PCDHGB7: variants seen among roughly 807,000 people sequenced by gnomAD.
PCDHGB7 encodes the protein protocadherin gamma subfamily B, 7, also known as protocadherin gamma-B7.
PCDHGB7 carries 37 observed loss-of-function variants against 61.4 expected under a neutral mutation model. The observed-to-expected ratio is 0.60, with a 90% confidence interval of 0.46 to 0.79. PCDHGB7 has a LOEUF of 0.79. Ranked by LOEUF, PCDHGB7 falls within the 30% of genes least tolerant of loss-of-function variation. The pLI is 0.00. For missense variants in PCDHGB7, 1,166 were observed against 1,202.5 expected (o/e 0.97, Z 0.45); for synonymous variants, 464 against 503.5 (o/e 0.92, Z 1.05).
At chr5:141,481,240 T>G (rs1323124277) in intron 1 of PCDHGB7, among the ~76,000 whole-genome samples, 1 of 152,208 alleles carries the variant, frequency 6.6e-6, no homozygotes, top group Non-Finnish European at 1.5e-5. Flanking sequence ...AAGTATTACA[T>G]AGCATAGCTC....
intron 1 of PCDHGB7, among the ~76,000 whole-genome samples, chr5:141,461,739 C>T (rs1048636018): frequency 3.9e-5 from 6 of 152,134 alleles, no homozygotes; most frequent in Non-Finnish European, 7.4e-5. Context: ...GGCACAATCC[C>T]GGCTCCCAGA....
chr5:141,423,816 T>C lies in PCDHGB7; in HGVS notation c.2415+3542T>C, dbSNP rs1205974775. ...TTAGAGCAATACATGTGAGTTTTACTTTGCCTTTCATGAGATTACGATAAT... is the reference window on the plus strand; with the variant it reads ...TTAGAGCAATACATGTGAGTTTTACCTTGCCTTTCATGAGATTACGATAAT... On this transcript the variant is annotated intron_variant, in intron 1 of 3. Transcript: ENST00000398594. 3 of 1,273,904 alleles carry C rather than the reference T, an allele frequency of 2.4e-6. No individual in the cohort carries two copies. The African/African-American group carries it at 4.7e-5, about 20-fold the overall frequency. 78.9% of individuals were successfully genotyped at this position (1,273,904 alleles called of 1,614,324 possible).
Position 141,476,819 on chromosome 5 carries a change from C to T in PCDHGB7, c.2416-17988C>T. ...CAGCCTGCCTATTCACATCAAGGTGCTGGACGCGAATGACAATGCGCCTGT... is the reference window on the plus strand; with the variant it reads ...CAGCCTGCCTATTCACATCAAGGTGTTGGACGCGAATGACAATGCGCCTGT... On this transcript the variant is annotated intron_variant, in intron 1 of 3. Coordinates refer to ENST00000398594, the MANE Select transcript of PCDHGB7 (RefSeq NM_018927.4). The surrounding 1 kb of genome is among the most constrained non-coding windows in gnomAD (Gnocchi z 7.6). 6.2e-7 allele frequency: 1 copy of T among 1,613,524 alleles called. No homozygotes were observed. The highest frequency in any genetic ancestry group is 8.5e-7 in the Non-Finnish European group (1 of 1,180,036).
At chr5:141,421,303 G>A (rs1456288695) in intron 1 of PCDHGB7, 1 of 1,613,660 alleles carries the variant, frequency 6.2e-7, no homozygotes, top group Non-Finnish European at 8.5e-7. Flanking sequence ...GACGCTGCGG[G>A]GGTTCCGGGC....
At chr5:141,482,074 A>G (rs1349748840) in intron 1 of PCDHGB7, among the ~76,000 whole-genome samples, 2 of 142,830 alleles carry the variant, frequency 1.4e-5, no homozygotes, top group Non-Finnish European at 3.0e-5. Context: ...AACAAGAACA[A>G]AACTCACTCC....
intron 1 of PCDHGB7, among the ~76,000 whole-genome samples, chr5:141,462,745 TATG>T (rs1249238113): frequency 6.6e-6 from 1 of 152,262 alleles, no homozygotes; most frequent in Non-Finnish European, 1.5e-5. Flanking sequence ...CTGTAATTCC[TATG>T]ATGATTTTCT....
intron 1 of PCDHGB7, among the ~76,000 whole-genome samples, chr5:141,446,323 A>G (rs1372501599): frequency 6.6e-6 from 1 of 152,216 alleles, no homozygotes. Flanking sequence ...GGGTTTCCAC[A>G]TTAAGGAACT....
rs13436338 is a variant in PCDHGB7, at chr5:141,468,261, G to A, written c.2416-26546G>A. On this transcript the variant is annotated intron_variant, in intron 1 of 3. Coordinates refer to ENST00000398594, the MANE Select transcript of PCDHGB7 (RefSeq NM_018927.4). ...AATTGCCTGAACCTGGGAGGCAGAG[G>A]TTGTGGTGAGCCGAGACCACGCCAT... Among the ~76,000 whole-genome samples, 391 of 149,216 alleles carry A rather than the reference G, an allele frequency of 2.6e-3. 2 individuals are homozygous for A. Among genetic ancestry groups the A allele is most frequent in the African/African-American group, 9.3e-3 (377 of 40,498 alleles).
At position 141,511,241 on chromosome 5, in the gene PCDHGB7, C is replaced by T; in HGVS notation, c.*68C>T. On this transcript the variant is annotated 3_prime_UTR_variant, in exon 4 of 4. Transcript: ENST00000398594. ...CCAGCCCAGCTTCTCCTTACCTGCA[C>T]CCAGGCCTCAGAGTTTCAGGGCTAA... The T allele has an allele frequency of 2.5e-6, 4 of 1,585,214 alleles. No individual in the cohort carries two copies. Among genetic ancestry groups the T allele is most frequent in the Non-Finnish European group, 3.4e-6 (4 of 1,165,762 alleles).
intron 1 of PCDHGB7, chr5:141,421,256 G>A (rs1205670837): frequency 1.2e-6 from 2 of 1,607,696 alleles, no homozygotes; most frequent in African/African-American, 1.3e-5. Flanking sequence ...CGCGGGGACC[G>A]CAGTCGGCTG....
intron 1 of PCDHGB7, chr5:141,478,781 A>G: frequency 6.7e-7 from 1 of 1,485,388 alleles, no homozygotes; most frequent in Non-Finnish European, 9.0e-7. Flanking sequence ...TGTGGACCTA[A>G]TTCACATCCT....
chr5:141,421,272 G>A, intron 1 of PCDHGB7: 1 of 1,612,340 alleles, frequency 6.2e-7, no homozygotes, highest in Non-Finnish European at 8.5e-7. Context: ...GGCTGCTGCT[G>A]CTGCTGTGCA....
chr5:141,489,088 G>GCCAA lies in PCDHGB7; in HGVS notation c.2416-5719_2416-5718insCCAA. The GCCAA allele has an allele frequency of 2.9e-6, 1 of 347,240 alleles. No individual in the cohort carries two copies. Among genetic ancestry groups the GCCAA allele is most frequent in the Non-Finnish European group, 5.0e-6 (1 of 200,708 alleles). The allele number at this position is 347,240 out of a possible 1,614,324, so 21.5% of individuals were successfully genotyped here. A position where few individuals can be genotyped will look rare whatever the true frequency, so the allele number is the denominator to read the frequency against. ...CCCCTGCCCACCCCCGCCACTCGGT[G>GCCAA]ACTAAGAACTGCTGCAAGCAGGCAA... On this transcript the variant is annotated intron_variant, in intron 1 of 3. Transcript: ENST00000398594. This position sits in a 1 kb window ranked among gnomAD's most constrained non-coding sequence, Gnocchi z 4.5.
chr5:141,428,224 G>T, intron 1 of PCDHGB7: 1 of 1,164,316 alleles, frequency 8.6e-7, no homozygotes, highest in Non-Finnish European at 1.3e-6. Context: ...AGTCTTCGCA[G>T]ACAGCCTGCA....
chr5:141,422,194 C>A, intron 1 of PCDHGB7: 1 of 1,562,366 alleles, frequency 6.4e-7, no homozygotes, highest in South Asian at 1.2e-5. Flanking sequence ...AATTCAAGGC[C>A]AAGATGGTGG....
At chr5:141,479,312 A>G (rs1218187495) in intron 1 of PCDHGB7, 5 of 152,526 alleles carry the variant, frequency 3.3e-5, no homozygotes, top group African/African-American at 9.6e-5. Context: ...GAAAACATAA[A>G]GTAGCCAGAC....
In PCDHGB7 at chr5:141,491,925, G is replaced by A. The variant is rs1019181943; in HGVS notation, c.2416-2882G>A. 5 of 1,325,176 alleles carry A rather than the reference G, an allele frequency of 3.8e-6. No homozygotes were observed. In the Admixed American group the frequency reaches 1.5e-4, roughly 39 times the overall value. 82.1% of individuals were successfully genotyped at this position (1,325,176 alleles called of 1,614,324 possible). A position where few individuals can be genotyped will look rare whatever the true frequency, so the allele number is the denominator to read the frequency against. On this transcript the variant is annotated intron_variant, in intron 1 of 3. Coordinates refer to ENST00000398594, the MANE Select transcript of PCDHGB7 (RefSeq NM_018927.4). The surrounding 1 kb of genome is among the most constrained non-coding windows in gnomAD (Gnocchi z 6.9). ...GGGTGGTGGCGACTGTGGGCGAGGG[G>A]AGGTGGGACCGACCCCCACCCCTAC...
rs769321564 is a variant in PCDHGB7 at position 141,419,181 on chromosome 5, A to T, written c.1322A>T (p.His441Leu). Residue 441 changes from histidine (H) to leucine (L), a missense_variant, in exon 1 of 4, where the codon CAC (histidine) becomes CTC (leucine). By Grantham distance (99) the His-to-Leu change is moderately conservative. Transcript: ENST00000398594. The stretch of plus-strand genomic sequence containing the variant: ...TCCTCCAGCAAAACCATAACCCTGC[A>T]CATTACTGACGTCAATGACAACGCG... ...PLSSSKTITL[H>L]ITDVNDNAPV... 1.9e-6 allele frequency: 3 copies of T among 1,613,858 alleles called. No individual in the cohort carries two copies. Among genetic ancestry groups the T allele is most frequent in the Admixed American group, 3.3e-5 (2 of 60,002 alleles).
chr5:141,427,114 A>G (rs767478190), intron 1 of PCDHGB7: 1 of 457,522 alleles, frequency 2.2e-6, no homozygotes, highest in Non-Finnish European at 4.4e-6. Flanking sequence ...GAGATCACCT[A>G]CTCTTTCAAA....
Sources: gnomAD v4.1 joint callset for allele counts (sites outside exome capture counted in the v4.1 genomes callset) on GRCh38, gnomAD v4.1.1 for gene constraint, Gnocchi (gnomAD v3.1) non-coding constraint, MANE v1.5 for transcripts, NCBI Gene and HGNC (gene_info 2026-07-23, HGNC 2026-07-21) for gene names.